Variants in APBA2 observed in about 807,000 individuals in gnomAD.
APBA2 encodes the protein amyloid beta precursor protein binding family A member 2.
In APBA2, 30 loss-of-function variants were observed where a neutral mutation model predicts 75.0. The observed-to-expected ratio is 0.40, with a 90% CI of 0.30 to 0.54. The LOEUF (loss-of-function observed/expected upper bound fraction) is 0.54. APBA2 is among the 20% of genes least tolerant of loss of function. The pLI is 0.49. For synonymous variants in APBA2, 444 were observed against 409.6 expected (o/e 1.08, Z -1.01); for missense variants, 801 against 1,016.1 (o/e 0.79, Z 2.88).
intron 4 of APBA2, among the ~76,000 whole-genome samples, chr15:29,063,038 G>C (rs1210089864): frequency 2.0e-5 from 2 of 98,228 alleles, no homozygotes; most frequent in African/African-American, 7.7e-5. Flanking sequence ...GATCTGGTCA[G>C]TGTCTGTATG....
intron 2 of APBA2, among the ~76,000 whole-genome samples, chr15:28,942,306 T>C (rs958945750): frequency 2.0e-5 from 3 of 152,128 alleles, no homozygotes; most frequent in African/African-American, 7.2e-5. Flanking sequence ...TGTAATCCTG[T>C]CTTCTGTCTT....
At chr15:29,077,065 A>T (rs2042882794) in intron 6 of APBA2, among the ~76,000 whole-genome samples, 1 of 152,232 alleles carries the variant, frequency 6.6e-6, no homozygotes, top group Non-Finnish European at 1.5e-5. Context: ...AACCATCAGA[A>T]TTAATATCAT....
At chr15:29,068,552 G>T (rs2042478038) in intron 4 of APBA2, among the ~76,000 whole-genome samples, 1 of 152,252 alleles carries the variant, frequency 6.6e-6, no homozygotes, top group African/African-American at 2.4e-5. Context: ...TGTGGGGGAA[G>T]GATGGGCGGA....
intron 4 of APBA2, among the ~76,000 whole-genome samples, chr15:29,071,673 C>T (rs1216497011): frequency 2.0e-5 from 3 of 149,514 alleles, no homozygotes; most frequent in South Asian, 2.2e-4. Flanking sequence ...CCCCCAACCC[C>T]GCCACCCCTG....
At chr15:29,099,050 C>T (rs2043992254) in intron 9 of APBA2, among the ~76,000 whole-genome samples, 1 of 152,162 alleles carries the variant, frequency 6.6e-6, no homozygotes, top group Non-Finnish European at 1.5e-5. Flanking sequence ...GTGTCCTGCA[C>T]CCCCCTACCC....
chr15:29,106,877 C>T (rs1026439717), intron 12 of APBA2, 58 bp downstream of exon 12: 7 of 1,524,970 alleles, frequency 4.6e-6, no homozygotes, highest in African/African-American at 2.7e-5. Flanking sequence ...CACTTCATCC[C>T]CACTTTGCTG....
At chr15:29,078,543 G>GGAGCTTGC (rs1566980167) in intron 6 of APBA2, among the ~76,000 whole-genome samples, 1 of 151,582 alleles carries the variant, frequency 6.6e-6, no homozygotes, top group African/African-American at 2.4e-5. Context: ...CCCGGGAGGC[G>GGAGCTTGC]GAGCTTGCAG....
chr15:28,987,727 G>GATATATATAT (rs1252518408), intron 2 of APBA2, among the ~76,000 whole-genome samples: 129 of 115,090 alleles, frequency 1.1e-3, no homozygotes, highest in African/African-American at 5.0e-3. Context: ...TATGTGGAGA[G>GATATATATAT]AGATATATAT....
intron 1 of APBA2, among the ~76,000 whole-genome samples, chr15:28,912,667 A>G (rs2033486341): frequency 6.6e-6 from 1 of 152,186 alleles, no homozygotes; most frequent in Admixed American, 6.5e-5. Flanking sequence ...GGTTCCCTGG[A>G]GGCAGGAGAG....
chr15:28,957,213 C>G (rs1396987274), intron 2 of APBA2, among the ~76,000 whole-genome samples: 1 of 151,500 alleles, frequency 6.6e-6, no homozygotes, highest in East Asian at 2.0e-4. Context: ...GCTGGGACTA[C>G]AGGCGCCCGC....
intron 2 of APBA2, among the ~76,000 whole-genome samples, chr15:28,989,191 A>G (rs1307585903): frequency 6.6e-6 from 1 of 152,118 alleles, no homozygotes; most frequent in Non-Finnish European, 1.5e-5. Flanking sequence ...TGTACCATAA[A>G]TATCTTTTTT....
chr15:28,987,976 C>G (rs1192551082), intron 2 of APBA2, among the ~76,000 whole-genome samples: 2 of 151,554 alleles, frequency 1.3e-5, no homozygotes, highest in African/African-American at 4.9e-5. Context: ...AGGCTGGTCT[C>G]GAATTCCTGA....
intron 6 of APBA2, among the ~76,000 whole-genome samples, chr15:29,090,503 A>G (rs919055281): frequency 6.6e-6 from 1 of 152,194 alleles, no homozygotes; most frequent in Non-Finnish European, 1.5e-5. Context: ...AGTGCCTAGA[A>G]AGGTAGGAGT....
chr15:28,931,569 G>A (rs946038250), intron 2 of APBA2, among the ~76,000 whole-genome samples: 1 of 152,116 alleles, frequency 6.6e-6, no homozygotes, highest in African/African-American at 2.4e-5. Context: ...TGCTCCATAG[G>A]GTCCAGCCGG....
At chr15:29,029,238 C>T (rs2040370868) in intron 3 of APBA2, among the ~76,000 whole-genome samples, 1 of 151,972 alleles carries the variant, frequency 6.6e-6, no homozygotes, top group African/African-American at 2.4e-5. Flanking sequence ...CTAGCCACTT[C>T]TTCCAGCACC....
intron 2 of APBA2, among the ~76,000 whole-genome samples, chr15:28,986,985 C>T (rs564961340): frequency 5.9e-5 from 9 of 152,190 alleles, no homozygotes; most frequent in Non-Finnish European, 1.2e-4. Context: ...ACTACATCCT[C>T]ACTTGGTGGA....
intron 3 of APBA2, among the ~76,000 whole-genome samples, chr15:29,009,208 G>C (rs954086062): frequency 2.0e-5 from 3 of 152,128 alleles, no homozygotes; most frequent in African/African-American, 7.2e-5. Context: ...ACGAGCCCCT[G>C]CCCAAGATAT....
chr15:29,077,532 C>T (rs1264608364), intron 6 of APBA2, among the ~76,000 whole-genome samples: 2 of 152,160 alleles, frequency 1.3e-5, no homozygotes, highest in Non-Finnish European at 2.9e-5. Context: ...CGTGAGGGAT[C>T]GGGAAGCAGT....
At chr15:29,075,079 CTCACT>C in intron 5 of APBA2, 78 bp downstream of exon 5, 1 of 1,073,182 alleles carries the variant, frequency 9.3e-7, no homozygotes, top group Non-Finnish European at 1.4e-6. Flanking sequence ...TTGTGGTCTG[CTCACT>C]TTGTCCATGA....
Sources: gnomAD v4.1 joint callset for allele counts (sites outside exome capture counted in the v4.1 genomes callset) on GRCh38, gnomAD v4.1.1 for gene constraint, MANE v1.5 for transcripts, NCBI Gene and HGNC (gene_info 2026-07-23, HGNC 2026-07-21) for gene names.